The following IQGAP2 variants were observed in gnomAD, a reference collection of about 807,000 sequenced individuals.
The protein encoded by IQGAP2 is IQ motif containing GTPase activating protein 2.
IQGAP2 carries 173 observed loss-of-function variants against 201.3 expected under a neutral mutation model. That is an observed-to-expected ratio of 0.86 (90% CI 0.76 to 0.98). IQGAP2 has a LOEUF of 0.98. Ranked by LOEUF, IQGAP2 falls within the 50% of genes least tolerant of loss-of-function variation. The pLI is 0.00. For missense variants in IQGAP2, 1,687 were observed against 1,864.8 expected (o/e 0.90, Z 1.76); for synonymous variants, 675 against 673.9 (o/e 1.00, Z -0.03).
intron 32 of IQGAP2, 86 bp from the exon 33 acceptor site, chr5:76,697,901 C>A: frequency 2.0e-6 from 2 of 1,011,498 alleles, no homozygotes; most frequent in Non-Finnish European, 2.9e-6. Context: ...CGACTTACTA[C>A]TGCTTGATAT....
chr5:76,599,779 G>A (rs1010944593), intron 10 of IQGAP2, among the ~76,000 whole-genome samples: 6 of 152,128 alleles, frequency 3.9e-5, no homozygotes, highest in East Asian at 1.9e-4. Context: ...TATCCTAAAT[G>A]TAAAATATGT....
chr5:76,692,013 A>C (rs1746303915), intron 30 of IQGAP2, among the ~76,000 whole-genome samples: 1 of 152,236 alleles, frequency 6.6e-6, no homozygotes, highest in African/African-American at 2.4e-5. Context: ...AATGACTCTG[A>C]AATAACTAAA....
At chr5:76,488,896 A>G (rs1361665098) in intron 2 of IQGAP2, among the ~76,000 whole-genome samples, 1 of 152,178 alleles carries the variant, frequency 6.6e-6, no homozygotes, top group Non-Finnish European at 1.5e-5. Flanking sequence ...TGAAAGGCCA[A>G]GCACCCGGCT....
At chr5:76,491,819 C>T (rs76613326) in intron 2 of IQGAP2, among the ~76,000 whole-genome samples, 5,619 of 152,258 alleles carry the variant, frequency 0.037, 283 homozygotes, top group African/African-American at 0.12. Flanking sequence ...TGCTGCTCCC[C>T]TCACCTTAAA....
At chr5:76,510,768 A>T in intron 2 of IQGAP2, 1 of 470,378 alleles carries the variant, frequency 2.1e-6, no homozygotes, top group South Asian at 1.7e-5. Flanking sequence ...GACTTGCAGT[A>T]ACCACCTCCT....
rs116069612 is a variant in IQGAP2, at chr5:76,538,448, A to G, written c.147-23948A>G. On this transcript the variant is annotated intron_variant, in intron 2 of 35. Coordinates refer to ENST00000274364, the MANE Select transcript of IQGAP2 (RefSeq NM_006633.5). ...AATGGAGGTAGTCTGAGTCTGCTCC[A>G]TGGAGAGTGGCCATGAGGGACCCAG... Among the ~76,000 whole-genome samples the G allele has an allele frequency of 7.1e-3, 1,085 of 152,308 alleles. 19 individuals carry two copies. Among genetic ancestry groups the G allele is most frequent in the African/African-American group, 0.025 (1,039 of 41,560 alleles).
At chr5:76,684,657 A>T (rs1745580820) in intron 30 of IQGAP2, among the ~76,000 whole-genome samples, 1 of 152,194 alleles carries the variant, frequency 6.6e-6, no homozygotes, top group Admixed American at 6.5e-5. Context: ...GGTGAGATGG[A>T]GACTGGAAGT....
chr5:76,429,397 C>G (rs1460274960), intron 1 of IQGAP2, among the ~76,000 whole-genome samples: 1 of 151,096 alleles, frequency 6.6e-6, no homozygotes, highest in Non-Finnish European at 1.5e-5. Context: ...ACGGTGAAAC[C>G]CCATCTCTAC....
In IQGAP2 at chr5:76,460,332, G is replaced by A. The variant is rs376359376; in HGVS notation, c.47-1238G>A. Reference sequence around the variant, plus strand: ...GAGCAGAAGCACTCAGCGTTGGAGGGAGTGGTGTGGTCCTGGAACACGGTG... The same window carrying A: ...GAGCAGAAGCACTCAGCGTTGGAGGAAGTGGTGTGGTCCTGGAACACGGTG... On this transcript the variant is annotated intron_variant, in intron 1 of 35. Coordinates refer to ENST00000274364, the MANE Select transcript of IQGAP2 (RefSeq NM_006633.5). 2.6e-4 allele frequency among the ~76,000 whole-genome samples: 40 copies of A among 152,316 alleles called. No homozygotes were observed. In the East Asian group the frequency reaches 7.1e-3, roughly 27 times the overall value.
chr5:76,662,329 A>T (rs1285984788), intron 21 of IQGAP2, among the ~76,000 whole-genome samples: 1 of 151,892 alleles, frequency 6.6e-6, no homozygotes, highest in Non-Finnish European at 1.5e-5. Flanking sequence ...TCCTCTCATT[A>T]TCCTGCCTTC....
In IQGAP2 at chr5:76,605,357, A is replaced by G. The variant is rs1340429685; in HGVS notation, c.1233-822A>G. ...ACAATGGGTGAGAGGGCCATTTTTAATTTTAATTTTATTTTTTTATGGAGA... is the reference window on the plus strand; with the variant it reads ...ACAATGGGTGAGAGGGCCATTTTTAGTTTTAATTTTATTTTTTTATGGAGA... On this transcript the variant is annotated intron_variant, in intron 11 of 35. Transcript: ENST00000274364. Among the ~76,000 whole-genome samples the G allele has an allele frequency of 3.9e-5, 6 of 152,200 alleles. No individual in the cohort carries two copies. In the East Asian group the frequency reaches 1.2e-3, roughly 29 times the overall value.
chr5:76,594,283 G>A (rs768847776), intron 9 of IQGAP2, among the ~76,000 whole-genome samples: 3 of 152,152 alleles, frequency 2.0e-5, no homozygotes, highest in African/African-American at 7.2e-5. Flanking sequence ...AGAGGAAATG[G>A]CTCCATAGCC....
At chr5:76,655,119 C>A in intron 20 of IQGAP2, 116 bp downstream of exon 20, 2 of 689,674 alleles carry the variant, frequency 2.9e-6, no homozygotes, top group South Asian at 1.9e-5. Context: ...CCCATTGTTT[C>A]CAGTAGATTT....
At chr5:76,473,302 C>CACCGAAGAATTT (rs151251436) in intron 2 of IQGAP2, among the ~76,000 whole-genome samples, 43,649 of 151,916 alleles carry the variant, frequency 0.29, 6,597 homozygotes, top group East Asian at 0.53. Context: ...TATAGCTATC[C>CACCGAAGAATTT]ATTGGCTATA....
At chr5:76,489,174 A>G (rs1756365423) in intron 2 of IQGAP2, among the ~76,000 whole-genome samples, 1 of 151,876 alleles carries the variant, frequency 6.6e-6, no homozygotes, top group Non-Finnish European at 1.5e-5. Flanking sequence ...GAACAGTTTG[A>G]CCTATGGATG....
chr5:76,420,469 G>A (rs1163808569), intron 1 of IQGAP2, among the ~76,000 whole-genome samples: 4 of 149,864 alleles, frequency 2.7e-5, no homozygotes, highest in Non-Finnish European at 4.4e-5. Context: ...TCCGCCTCCC[G>A]GGTTCAAGTG....
At chr5:76,526,208 G>A (rs921937296) in intron 2 of IQGAP2, among the ~76,000 whole-genome samples, 5 of 152,180 alleles carry the variant, frequency 3.3e-5, no homozygotes, top group Admixed American at 6.5e-5. Context: ...TACAGTTGTG[G>A]AAAGGCATAG....
chr5:76,680,712 A>G (rs1745203639), intron 28 of IQGAP2, among the ~76,000 whole-genome samples: 1 of 151,246 alleles, frequency 6.6e-6, no homozygotes, highest in Non-Finnish European at 1.5e-5. Flanking sequence ...GATCCCTTAA[A>G]GCCAGGAGTT....
rs59286743 is a variant in IQGAP2 at position 76,686,296 on chromosome 5, G to GTT, written c.3905+2391_3905+2392dup. On this transcript the variant is annotated intron_variant, in intron 30 of 35. Transcript: ENST00000274364. ...TGATAATGTCCTTTTCCGCACAAATGTTTTTTTTTTTTTATTTTGATGAAG... is the reference window on the plus strand; with the variant it reads ...TGATAATGTCCTTTTCCGCACAAATGTTTTTTTTTTTTTTTATTTTGATGAAG... Among the ~76,000 whole-genome samples the GTT allele has an allele frequency of 3.2e-3, 416 of 130,260 alleles. 2 individuals are homozygous for GTT. Among genetic ancestry groups the GTT allele is most frequent in the African/African-American group, 0.011 (385 of 35,518 alleles). The allele number at this position is 130,260 out of a possible 152,430, so 85.5% of individuals were successfully genotyped here. A position where few individuals can be genotyped will look rare whatever the true frequency, so the allele number is the denominator to read the frequency against.
Sources: gnomAD v4.1 joint callset for allele counts (sites outside exome capture counted in the v4.1 genomes callset) on GRCh38, gnomAD v4.1.1 for gene constraint, MANE v1.5 for transcripts, NCBI Gene and HGNC (gene_info 2026-07-23, HGNC 2026-07-21) for gene names.